The following TRIM23 variants were observed in gnomAD, a reference collection of about 807,000 sequenced individuals.
TRIM23 encodes the protein tripartite motif containing 23.
A neutral mutation model predicts 71.0 loss-of-function variants in TRIM23; 27 were observed. The ratio of observed to expected loss-of-function variants is 0.38; its 90% CI spans 0.28 to 0.52. The LOEUF (loss-of-function observed/expected upper bound fraction) is 0.52, where lower values mean the gene tolerates loss of function less well. Ranked by LOEUF, TRIM23 falls within the 20% of genes least tolerant of loss-of-function variation. TRIM23 has a pLI of 0.84. For missense variants in TRIM23, 482 were observed against 692.3 expected, an observed-to-expected ratio of 0.70 and a Z score of 3.41; for synonymous variants, 234 against 238.0, an observed-to-expected ratio of 0.98 and a Z score of 0.16.
intron 1 of TRIM23, among the ~76,000 whole-genome samples, chr5:65,623,087 A>C (rs1216296844): frequency 3.9e-5 from 6 of 152,200 alleles, no homozygotes; most frequent in Non-Finnish European, 7.4e-5. Context: ...CTGAATCAAC[A>C]ACCACCAATA....
At chr5:65,622,356 G>A (rs1270270192) in intron 1 of TRIM23, among the ~76,000 whole-genome samples, 1 of 151,566 alleles carries the variant, frequency 6.6e-6, no homozygotes, top group Non-Finnish European at 1.5e-5. Flanking sequence ...TAGTAGAGAC[G>A]GGGTTTCGCC....
chr5:65,612,463 A>AT (rs763499901), intron 3 of TRIM23, among the ~76,000 whole-genome samples: 13 of 152,140 alleles, frequency 8.5e-5, no homozygotes, highest in Non-Finnish European at 1.8e-4. Flanking sequence ...ATGTTATTTT[A>AT]ATAGCTCCAC....
chr5:65,594,196 C>T (rs1366121619), intron 10 of TRIM23, among the ~76,000 whole-genome samples: 1 of 152,212 alleles, frequency 6.6e-6, no homozygotes, highest in East Asian at 1.9e-4. Flanking sequence ...CTACATTTTA[C>T]AATCTTACAA....
intron 3 of TRIM23, 88 bp from the exon 4 acceptor site, chr5:65,611,969 G>A: frequency 7.9e-7 from 1 of 1,272,142 alleles, no homozygotes; most frequent in Non-Finnish European, 1.1e-6. Flanking sequence ...AATCCTTTTT[G>A]CTTAACTGAA....
rs1323251680 is a variant in TRIM23, at chr5:65,610,978, T to A, written c.711A>T (p.Ile237=). The stretch of plus-strand genomic sequence containing the variant: ...CTGAGATTTCCTCTGTGAAGGTCCG[T>A]ATGCAGTGAGCCATATCTAAAATTG... The part of the protein sequence containing the change: ...RASILDMAHC[I]RTFTEEISDY... The change falls in exon 5 of 11, where the codon ATA becomes ATT. Residue 237 remains isoleucine, a synonymous_variant. Coordinates refer to ENST00000231524, the MANE Select transcript of TRIM23 (RefSeq NM_001656.4). 4.3e-6 allele frequency: 7 copies of A among 1,613,932 alleles called. No individual in the cohort carries two copies. Among genetic ancestry groups the A allele is most frequent in the Non-Finnish European group, 5.9e-6 (7 of 1,179,924 alleles).
At chr5:65,592,602 G>T (rs1238315997) in intron 10 of TRIM23, among the ~76,000 whole-genome samples, 2 of 151,906 alleles carry the variant, frequency 1.3e-5, no homozygotes, top group South Asian at 2.1e-4. Flanking sequence ...TATATATAGG[G>T]TTATATATTG....
At position 65,590,866 on chromosome 5, in the gene TRIM23, C is replaced by T; in HGVS notation, c.*903G>A. The T allele has an allele frequency of 2.0e-6, 2 of 985,456 alleles. No individual in the cohort carries two copies. Among genetic ancestry groups the T allele is most frequent in the Non-Finnish European group, 2.4e-6 (2 of 830,000 alleles). The allele number at this position is 985,456 out of a possible 1,614,324, so 61.0% of individuals were successfully genotyped here. A position where few individuals can be genotyped will look rare whatever the true frequency, so the allele number is the denominator to read the frequency against. On this transcript the variant is annotated 3_prime_UTR_variant, in exon 11 of 11. Coordinates refer to ENST00000231524, the MANE Select transcript of TRIM23 (RefSeq NM_001656.4). ...GTTCGCTTTCTATTTAGGTCACTAG[C>T]TTTTAAATAAAGCCAACCCTGGTTC...
At chr5:65,597,221 A>G in intron 7 of TRIM23, 41 bp from the exon 8 acceptor site, 1 of 1,594,234 alleles carries the variant, frequency 6.3e-7, no homozygotes. Context: ...ACATGCAGTT[A>G]GAAAGTAATA....
intron 7 of TRIM23, among the ~76,000 whole-genome samples, chr5:65,602,796 T>G (rs1430520781): frequency 6.6e-6 from 1 of 152,096 alleles, no homozygotes; most frequent in Admixed American, 6.6e-5. Context: ...AATAAGCCCA[T>G]TAGCTCTCAT....
intron 3 of TRIM23, 56 bp from the exon 4 acceptor site, chr5:65,611,937 A>T: frequency 6.7e-7 from 1 of 1,491,238 alleles, no homozygotes; most frequent in Non-Finnish European, 9.1e-7. Flanking sequence ...TAACATGACG[A>T]ATTTTTAAAT....
intron 1 of TRIM23, among the ~76,000 whole-genome samples, chr5:65,621,829 A>AT (rs1490513176): frequency 2.0e-5 from 3 of 151,386 alleles, no homozygotes; most frequent in African/African-American, 7.3e-5. Context: ...ATTTATTATT[A>AT]TTATTATTTT....
chr5:65,624,112 G>A, intron 1 of TRIM23, 82 bp downstream of exon 1: 2 of 1,571,162 alleles, frequency 1.3e-6, no homozygotes, highest in South Asian at 2.2e-5. Flanking sequence ...ATCGAAGCCT[G>A]GGCCGCGGCG....
In TRIM23 at chr5:65,590,194, C is replaced by T. The variant is rs1753980153; in HGVS notation, c.*1575G>A. On this transcript the variant is annotated 3_prime_UTR_variant, in exon 11 of 11. Transcript: ENST00000231524. The stretch of plus-strand genomic sequence containing the variant: ...GTTCAAGTTCTCACAAGCAATACAA[C>T]ACCTTTTTTATTTTTCACAGTTATT... 2 of 765,032 alleles carry T rather than the reference C, an allele frequency of 2.6e-6. No homozygotes were observed. The highest frequency in any genetic ancestry group is 2.6e-5 in the Admixed American group (1 of 38,624). The allele number at this position is 765,032 out of a possible 1,614,324, so 47.4% of individuals were successfully genotyped here.
rs751705976 is a variant in TRIM23 at position 65,618,204 on chromosome 5, C to T, written c.133G>A (p.Val45Ile). ...EDVFSLQGDK[V>I]PRLLLCGHTV... ...TGGCCACAAAGCAAAAGACGGGGAA[C>T]TTTGTCTCCTTGCAAAGAAAAGACA... The change falls in exon 2 of 11, where the codon GTT (valine) becomes ATT (isoleucine). Residue 45 changes from valine (V) to isoleucine (I), a missense_variant. Coordinates refer to ENST00000231524, the MANE Select transcript of TRIM23 (RefSeq NM_001656.4). 4 of 1,614,044 alleles carry T rather than the reference C, an allele frequency of 2.5e-6. No homozygotes were observed. The highest frequency in any genetic ancestry group is 3.4e-6 in the Non-Finnish European group (4 of 1,179,976).
intron 7 of TRIM23, among the ~76,000 whole-genome samples, chr5:65,600,827 T>G (rs1754342364): frequency 6.6e-6 from 1 of 152,118 alleles, no homozygotes. Flanking sequence ...AATCAAAAAG[T>G]GAGCGAAGGA....
In TRIM23 at chr5:65,591,609, T is replaced by A; in HGVS notation, c.*160A>T. On this transcript the variant is annotated 3_prime_UTR_variant, in exon 11 of 11. Coordinates refer to ENST00000231524, the MANE Select transcript of TRIM23 (RefSeq NM_001656.4). ...ATTTAATTCTGCCACAAAATTTTTT[T>A]AAAGCAAAGTACTGAATTCCCAATC... 2 of 1,201,468 alleles carry A rather than the reference T, an allele frequency of 1.7e-6. No individual in the cohort carries two copies. Among genetic ancestry groups the A allele is most frequent in the Non-Finnish European group, 2.2e-6 (2 of 924,416 alleles). 74.4% of individuals were successfully genotyped at this position (1,201,468 alleles called of 1,614,324 possible).
rs1561738085 is a variant in TRIM23, at chr5:65,590,895, GTTAC to G, written c.*870_*873del. ...TAAATAAAGCCAACCCTGGTTCTGC[GTTAC>G]TTACTACATTTTACCTATAGTCATT... On this transcript the variant is annotated 3_prime_UTR_variant, in exon 11 of 11. Transcript: ENST00000231524. 5 of 985,090 alleles carry G rather than the reference GTTAC, an allele frequency of 5.1e-6. No homozygotes were observed. Among genetic ancestry groups the G allele is most frequent in the African/African-American group, 3.5e-5 (2 of 57,174 alleles). 61.0% of individuals were successfully genotyped at this position (985,090 alleles called of 1,614,324 possible).
intron 7 of TRIM23, 153 bp downstream of exon 7, chr5:65,604,758 G>T: frequency 1.7e-6 from 1 of 598,006 alleles, no homozygotes; most frequent in Non-Finnish European, 2.6e-6. Flanking sequence ...GCCGAAGTGA[G>T]CACACCATTT....
intron 2 of TRIM23, 36 bp downstream of exon 2, chr5:65,618,056 AT>A (rs748812880): frequency 2.0e-6 from 3 of 1,535,552 alleles, no homozygotes; most frequent in Non-Finnish European, 2.6e-6. Context: ...TACATGAACA[AT>A]TTTCAATCTT....
Sources: gnomAD v4.1 joint callset for allele counts (sites outside exome capture counted in the v4.1 genomes callset) on GRCh38, gnomAD v4.1.1 for gene constraint, MANE v1.5 for transcripts, NCBI Gene and HGNC (gene_info 2026-07-23, HGNC 2026-07-21) for gene names.